PDE4D: variants seen among roughly 807,000 people sequenced by gnomAD.
The protein encoded by PDE4D is phosphodiesterase 4D, also known as 3',5'-cyclic-AMP phosphodiesterase 4D.
Under a neutral mutation model 87.4 loss-of-function variants are expected in PDE4D, and 24 were observed. That is an observed-to-expected ratio of 0.27 (90% CI 0.20 to 0.39). The LOEUF is 0.39. Ranked by LOEUF, PDE4D falls within the 10% of genes least tolerant of loss-of-function variation. The pLI, the probability that PDE4D is intolerant of heterozygous loss-of-function variation, is 1.00. For synonymous variants in PDE4D, 384 were observed against 383.2 expected (o/e 1.00, Z -0.02); for missense variants, 714 against 1,041.0 (o/e 0.69, Z 4.32).
chr5:59,650,529 C>T (rs1167618449), intron 1 of PDE4D, among the ~76,000 whole-genome samples: 1 of 152,030 alleles, frequency 6.6e-6, no homozygotes, highest in Non-Finnish European at 1.5e-5. Flanking sequence ...GAGGAACAAT[C>T]TGAAAAAAAT....
At chr5:60,205,767 G>T (rs1411940904) in intron 1 of PDE4D, among the ~76,000 whole-genome samples, 1 of 151,864 alleles carries the variant, frequency 6.6e-6, no homozygotes, top group Admixed American at 6.6e-5. Flanking sequence ...GGTGATGTGT[G>T]CCTGTAGTAC....
chr5:60,474,239 G>T (rs1005121771), intron 1 of PDE4D, among the ~76,000 whole-genome samples: 4 of 148,972 alleles, frequency 2.7e-5, no homozygotes, highest in Non-Finnish European at 4.5e-5. Context: ...CAAGGCACCA[G>T]CAGATTAAAT....
chr5:60,375,125 T>C (rs184819102), intron 1 of PDE4D, among the ~76,000 whole-genome samples: 1 of 152,336 alleles, frequency 6.6e-6, no homozygotes. Flanking sequence ...TTGTTCTTTC[T>C]ACTTCTAAAC....
chr5:60,380,089 T>C (rs566245371), intron 1 of PDE4D, among the ~76,000 whole-genome samples: 1 of 152,260 alleles, frequency 6.6e-6, no homozygotes, highest in East Asian at 1.9e-4. Context: ...TTCACTTGCG[T>C]ATAGGAAAGT....
In PDE4D at chr5:59,686,575, G is replaced by T. The variant is rs141475620; in HGVS notation, c.455+206593C>A. ...TCACAATTTTAGAATTTGGGAAAATGAACAATGCCTAGTACACAGCAGCTG... is the reference window on the plus strand; with the variant it reads ...TCACAATTTTAGAATTTGGGAAAATTAACAATGCCTAGTACACAGCAGCTG... On this transcript the variant is annotated intron_variant, in intron 1 of 14. Coordinates refer to ENST00000340635, the MANE Select transcript of PDE4D (RefSeq NM_001104631.2). Among the ~76,000 whole-genome samples, 440 of 152,238 alleles carry T rather than the reference G, an allele frequency of 2.9e-3. 5 individuals carry two copies. The highest frequency in any genetic ancestry group is 0.02 in the Middle Eastern group (6 of 294).
chr5:60,410,115 G>A (rs988311076), intron 1 of PDE4D, among the ~76,000 whole-genome samples: 5 of 152,174 alleles, frequency 3.3e-5, no homozygotes, highest in Non-Finnish European at 7.4e-5. Context: ...CAACCTTTGA[G>A]GTAGGGCTGG....
At chr5:59,281,058 G>A (rs1765711218) in intron 1 of PDE4D, among the ~76,000 whole-genome samples, 1 of 152,096 alleles carries the variant, frequency 6.6e-6, no homozygotes, top group African/African-American at 2.4e-5. Context: ...CTTCCATGGA[G>A]AGGGATGCAA....
At chr5:59,337,070 T>G (rs1777788971) in intron 1 of PDE4D, among the ~76,000 whole-genome samples, 1 of 151,934 alleles carries the variant, frequency 6.6e-6, no homozygotes, top group African/African-American at 2.4e-5. Context: ...AGAACAAAGG[T>G]TTTGGCTTTG....
intron 1 of PDE4D, among the ~76,000 whole-genome samples, chr5:60,413,059 TC>T (rs1163217821): frequency 6.6e-6 from 1 of 152,190 alleles, no homozygotes; most frequent in African/African-American, 2.4e-5. Context: ...TATGTATAAT[TC>T]ATTTAACTAA....
At chr5:59,405,356 C>A (rs965284720) in intron 1 of PDE4D, among the ~76,000 whole-genome samples, 2 of 152,120 alleles carry the variant, frequency 1.3e-5, no homozygotes, top group African/African-American at 4.8e-5. Context: ...GGATTACATT[C>A]TTGATTTCTT....
chr5:60,273,999 A>G (rs1287593275), intron 1 of PDE4D, among the ~76,000 whole-genome samples: 1 of 152,124 alleles, frequency 6.6e-6, no homozygotes, highest in Non-Finnish European at 1.5e-5. Context: ...CTCTCAAGAC[A>G]TTGGTCTCAG....
intron 1 of PDE4D, among the ~76,000 whole-genome samples, chr5:59,260,882 C>T (rs916258264): frequency 1.8e-4 from 27 of 150,420 alleles, no homozygotes; most frequent in South Asian, 4.2e-4. Flanking sequence ...CAGTTTTTCC[C>T]GATTACTGGC....
chr5:60,507,881 C>G (rs1750394225), intron 1 of PDE4D, among the ~76,000 whole-genome samples: 2 of 152,182 alleles, frequency 1.3e-5, no homozygotes, highest in African/African-American at 4.8e-5. Context: ...CATCCTGGAA[C>G]AACCTCAGAC....
chr5:60,231,375 T>C (rs189932903), intron 1 of PDE4D, among the ~76,000 whole-genome samples: 1 of 152,078 alleles, frequency 6.6e-6, no homozygotes, highest in East Asian at 1.9e-4. Context: ...GATATAAACT[T>C]TGTGGCAAAT....
At chr5:59,562,426 A>G (rs1820186466) in intron 1 of PDE4D, among the ~76,000 whole-genome samples, 1 of 152,234 alleles carries the variant, frequency 6.6e-6, no homozygotes, top group Non-Finnish European at 1.5e-5. Context: ...CTGTAAAATC[A>G]GAATGCCCTA....
At chr5:59,982,194 C>T (rs1053682975) in intron 3 of PDE4D, among the ~76,000 whole-genome samples, 2 of 152,146 alleles carry the variant, frequency 1.3e-5, no homozygotes, top group East Asian at 3.9e-4. Flanking sequence ...CGAAGGTACA[C>T]AGTGTACTTC....
chr5:60,311,081 G>A (rs539636180), intron 1 of PDE4D, among the ~76,000 whole-genome samples: 245 of 150,388 alleles, frequency 1.6e-3, no homozygotes, highest in African/African-American at 5.3e-3. Flanking sequence ...GCAATGAAGC[G>A]ATCTCAGCTC....
chr5:60,306,707 C>T (rs1202565568), intron 1 of PDE4D, among the ~76,000 whole-genome samples: 1 of 152,012 alleles, frequency 6.6e-6, no homozygotes, highest in Non-Finnish European at 1.5e-5. Flanking sequence ...ATACCATATA[C>T]AATCCTATTC....
At chr5:60,118,535 T>G (rs1778372404) in intron 2 of PDE4D, among the ~76,000 whole-genome samples, 1 of 150,992 alleles carries the variant, frequency 6.6e-6, no homozygotes, top group African/African-American at 2.4e-5. Context: ...ATGGAAACCT[T>G]TCCTGTTTTT....
Sources: allele counts gnomAD v4.1 joint callset (sites outside exome capture counted in the v4.1 genomes callset), GRCh38; gene constraint gnomAD v4.1.1; transcripts MANE v1.5; gene names NCBI Gene and HGNC (gene_info 2026-07-23, HGNC 2026-07-21).